CHST11: variants seen among roughly 807,000 people sequenced by gnomAD.
CHST11 encodes the protein carbohydrate sulfotransferase 11.
In CHST11, 9 loss-of-function variants were observed where a neutral mutation model predicts 30.4. That is an observed-to-expected ratio of 0.30 (90% CI 0.18 to 0.52). The LOEUF is 0.52. Among genes scored for constraint, CHST11 ranks in the 20% least tolerant of loss-of-function variants. The probability of loss-of-function intolerance (pLI) is 0.97; values close to 1 mark genes in which losing one functional copy is unlikely to be tolerated. For synonymous variants in CHST11, 152 were observed against 187.8 expected (o/e 0.81, Z 1.56); for missense variants, 348 against 460.6 (o/e 0.76, Z 2.24).
Position 104,757,788 on chromosome 12 carries a change from C to A in CHST11, c.1044C>A (p.Tyr348Ter). ...FLMFNYSVPS[Y>*]LKLE is the part of the protein sequence containing the mutation. The stretch of plus-strand genomic sequence containing the variant: ...TGTTCAATTACTCAGTGCCAAGCTA[C>A]CTGAAATTGGAATAAAGGGGGTGGG... The change falls in exon 3 of 3, where the codon TAC becomes TAA. Residue 348 changes from tyrosine (Y) to a stop codon, truncating the protein, a stop_gained. Transcript: ENST00000303694. LOFTEE classifies it high-confidence loss of function. The surrounding 1 kb of genome is among the most constrained non-coding windows in gnomAD (Gnocchi z 6.5). The A allele has an allele frequency of 6.2e-7, 1 of 1,610,720 alleles. No individual in the cohort carries two copies. The highest frequency in any genetic ancestry group is 1.1e-5 in the South Asian group (1 of 90,936).
At chr12:104,464,467 AC>A (rs1451851350) in intron 1 of CHST11, among the ~76,000 whole-genome samples, 2 of 151,660 alleles carry the variant, frequency 1.3e-5, no homozygotes, top group African/African-American at 4.9e-5. Context: ...CTCCCCCTTG[AC>A]CCCCAACTAG....
At position 104,602,012 on chromosome 12, in the gene CHST11, C is replaced by T. The variant is rs112508934; in HGVS notation, c.204+21C>T. On this transcript the variant is annotated intron_variant, in intron 2 of 2. Coordinates refer to ENST00000303694, the MANE Select transcript of CHST11 (RefSeq NM_018413.6). ...TCCAGGTAAGCTTCAAGCACTCTGT[C>T]AGCATGTGAATTTTTTTTTTTTGTA... The T allele has an allele frequency of 8.3e-3, 12,870 of 1,548,706 alleles. 127 individuals carry two copies. The highest frequency in any genetic ancestry group is 0.04 in the Admixed American group (2,090 of 52,662).
rs189978013 is a variant in CHST11 at position 104,649,385 on chromosome 12, A to G, written c.204+47394A>G. ...CATTACAGGGCATTTAACACATACA[A>G]TTTCTAATCTTTACAGCCAATCTGT... On this transcript the variant is annotated intron_variant, in intron 2 of 2. Transcript: ENST00000303694. Among the ~76,000 whole-genome samples, 199 of 152,272 alleles carry G rather than the reference A, an allele frequency of 1.3e-3. 1 individual carries two copies. Among genetic ancestry groups the G allele is most frequent in the African/African-American group, 4.5e-3 (187 of 41,556 alleles).
chr12:104,624,866 G>A (rs2039196614), intron 2 of CHST11, among the ~76,000 whole-genome samples: 1 of 152,162 alleles, frequency 6.6e-6, no homozygotes, highest in African/African-American at 2.4e-5. Flanking sequence ...GCTCACAGAC[G>A]GCCACCTTTT....
chr12:104,690,423 A>G (rs11112168), intron 2 of CHST11, among the ~76,000 whole-genome samples: 3,338 of 152,316 alleles, frequency 0.022, 133 homozygotes, highest in East Asian at 0.2. Context: ...TTGGGTAGGA[A>G]TAAAAGTCGA....
intron 1 of CHST11, among the ~76,000 whole-genome samples, chr12:104,513,131 G>A (rs891213378): frequency 1.8e-5 from 2 of 110,868 alleles, no homozygotes; most frequent in African/African-American, 3.8e-5. Flanking sequence ...ACTGGGGGGG[G>A]GGGGGGTTGG....
intron 1 of CHST11, among the ~76,000 whole-genome samples, chr12:104,483,048 A>AT (rs2037642281): frequency 6.6e-6 from 1 of 152,118 alleles, no homozygotes; most frequent in South Asian, 2.1e-4. Context: ...ACATCCTTTC[A>AT]TGTAGTTCAT....
chr12:104,647,825 C>T (rs1406022460), intron 2 of CHST11, among the ~76,000 whole-genome samples: 1 of 152,148 alleles, frequency 6.6e-6, no homozygotes, highest in Admixed American at 6.5e-5. Context: ...GCTGGGGCTG[C>T]CATCATCTGA....
intron 1 of CHST11, among the ~76,000 whole-genome samples, chr12:104,494,278 C>G (rs1882493): frequency 0.64 from 97,959 of 152,070 alleles, 33,093 homozygotes; most frequent in African/African-American, 0.84. Context: ...GAAGCAAAGG[C>G]AGGAGCTTGT....
At chr12:104,520,756 G>A (rs1404390456) in intron 1 of CHST11, among the ~76,000 whole-genome samples, 1 of 152,156 alleles carries the variant, frequency 6.6e-6, no homozygotes, top group Admixed American at 6.5e-5. Flanking sequence ...GGGATGGCAG[G>A]GGCTTTTGAA....
At chr12:104,468,613 A>G (rs149398024) in intron 1 of CHST11, among the ~76,000 whole-genome samples, 7 of 152,334 alleles carry the variant, frequency 4.6e-5, no homozygotes, top group African/African-American at 1.4e-4. Context: ...CTTTCTGCCC[A>G]TCAAAGAATC....
chr12:104,753,594 C>T (rs1157821993), intron 2 of CHST11, among the ~76,000 whole-genome samples: 1 of 152,136 alleles, frequency 6.6e-6, no homozygotes, highest in Non-Finnish European at 1.5e-5. Context: ...GCCTTTGTGG[C>T]AAAATCTCAG....
intron 1 of CHST11, among the ~76,000 whole-genome samples, chr12:104,480,264 G>T (rs2037607080): frequency 6.6e-6 from 1 of 152,062 alleles, no homozygotes; most frequent in Admixed American, 6.6e-5. Context: ...GGAAATAGGG[G>T]CATTGCAAAT....
intron 2 of CHST11, among the ~76,000 whole-genome samples, chr12:104,755,717 C>T (rs1308547969): frequency 1.3e-5 from 2 of 151,954 alleles, no homozygotes; most frequent in Admixed American, 6.6e-5. Flanking sequence ...ACTCTGGAGG[C>T]GGAGGTTGCA....
chr12:104,476,266 A>T (rs1384586660), intron 1 of CHST11, among the ~76,000 whole-genome samples: 4 of 149,852 alleles, frequency 2.7e-5, no homozygotes, highest in Non-Finnish European at 4.4e-5. Flanking sequence ...AATATATGTA[A>T]TATGTACACA....
At chr12:104,738,460 A>G (rs1274479024) in intron 2 of CHST11, among the ~76,000 whole-genome samples, 1 of 152,232 alleles carries the variant, frequency 6.6e-6, no homozygotes, top group East Asian at 1.9e-4. Flanking sequence ...CCATGCGTCC[A>G]TGGCACCTGT....
In CHST11 at chr12:104,462,574, T is replaced by A. The variant is rs138779773; in HGVS notation, c.118+5045T>A. On this transcript the variant is annotated intron_variant, in intron 1 of 2. Coordinates refer to ENST00000303694, the MANE Select transcript of CHST11 (RefSeq NM_018413.6). ...ACAAATTTAATGTTACGTTACAGAA[T>A]CTTTTTGCTTATACATGGAATAGTT... Among the ~76,000 whole-genome samples the A allele has an allele frequency of 3.2e-3, 490 of 152,304 alleles. 2 individuals carry two copies. The highest frequency in any genetic ancestry group is 6.3e-3 in the Admixed American group (97 of 15,308).
intron 1 of CHST11, among the ~76,000 whole-genome samples, chr12:104,504,347 A>C (rs2037882083): frequency 6.6e-6 from 1 of 152,218 alleles, no homozygotes; most frequent in African/African-American, 2.4e-5. Context: ...GGGTGGACTC[A>C]GGCGCAGTGG....
intron 1 of CHST11, among the ~76,000 whole-genome samples, chr12:104,574,628 A>G (rs2038663615): frequency 6.6e-6 from 1 of 150,778 alleles, no homozygotes; most frequent in African/African-American, 2.4e-5. Flanking sequence ...CAAACACCGC[A>G]TGTTCTCACT....
Sources: gnomAD v4.1 joint callset for allele counts (sites outside exome capture counted in the v4.1 genomes callset) on GRCh38, gnomAD v4.1.1 for gene constraint, Gnocchi (gnomAD v3.1) non-coding constraint, MANE v1.5 for transcripts, NCBI Gene and HGNC (gene_info 2026-07-23, HGNC 2026-07-21) for gene names.